UQCC1: variants seen among roughly 807,000 people sequenced by gnomAD.
UQCC1 encodes the protein ubiquinol-cytochrome c reductase complex assembly factor 1.
UQCC1 carries 38 observed loss-of-function variants against 48.0 expected under a neutral mutation model. That is an observed-to-expected ratio of 0.79 (90% confidence interval 0.61 to 1.04). The LOEUF (loss-of-function observed/expected upper bound fraction) is 1.04. UQCC1 is among the 50% of genes least tolerant of loss of function. The pLI, the probability that UQCC1 is intolerant of heterozygous loss-of-function variation, is 0.00. For synonymous variants in UQCC1, 111 were observed against 129.2 expected (o/e 0.86, Z 0.95); for missense variants, 368 against 381.8 (o/e 0.96, Z 0.30).
intron 1 of UQCC1, among the ~76,000 whole-genome samples, chr20:35,397,006 T>A (rs759258333): frequency 1.3e-5 from 2 of 152,014 alleles, no homozygotes; most frequent in Non-Finnish European, 2.9e-5. Context: ...GGGTTCTGCA[T>A]CCATGGATTC....
intron 4 of UQCC1, among the ~76,000 whole-genome samples, chr20:35,380,735 A>G (rs528178857): frequency 2.6e-5 from 4 of 152,360 alleles, no homozygotes; most frequent in Admixed American, 2.6e-4. Context: ...CCTGAAAGGC[A>G]TTAAAAGGCA....
chr20:35,369,486 C>T (rs1458648672), intron 5 of UQCC1, among the ~76,000 whole-genome samples: 2 of 152,222 alleles, frequency 1.3e-5, no homozygotes, highest in Admixed American at 6.5e-5. Flanking sequence ...TCTTTCTTGA[C>T]ATCAAGTTGG....
In UQCC1 at chr20:35,394,130, G is replaced by T. The variant is rs2146514925; in HGVS notation, c.91C>A (p.Gln31Lys). The T allele has an allele frequency of 1.9e-6, 3 of 1,614,006 alleles. No homozygotes were observed. Among genetic ancestry groups the T allele is most frequent in the Non-Finnish European group, 2.5e-6 (3 of 1,179,938 alleles). Residue 31 changes from glutamine to lysine, a missense_variant, in exon 2 of 10, where the codon CAA becomes AAA. Coordinates refer to ENST00000374385, the MANE Select transcript of UQCC1 (RefSeq NM_018244.5). ...CSRLIPVSPT[Q>K]GQGDRALSRT... ...GACAGAGCCCTGTCCCCCTGTCCTT[G>T]GGTAGGAGACACAGGTATCAATCGG...
chr20:35,376,968 CAA>C (rs11330133), intron 4 of UQCC1, among the ~76,000 whole-genome samples: 6 of 142,640 alleles, frequency 4.2e-5, no homozygotes, highest in East Asian at 2.0e-4. Flanking sequence ...CAAAACAAAA[CAA>C]AAAAAAAAAG....
chr20:35,362,286 G>A (rs2061614847), intron 6 of UQCC1, among the ~76,000 whole-genome samples: 1 of 152,178 alleles, frequency 6.6e-6, no homozygotes, highest in South Asian at 2.1e-4. Context: ...GCCTAAAATA[G>A]CAACAAATGA....
chr20:35,306,655 G>C lies in UQCC1; in HGVS notation c.765+11C>G. On this transcript the variant is annotated intron_variant, in intron 9 of 9. Transcript: ENST00000374385. ...GCCAGGACTTGGGAGGGGAGGGAAAGGGTCACTCACCTGTTTCCTCACATA... is the reference window on the plus strand; with the variant it reads ...GCCAGGACTTGGGAGGGGAGGGAAACGGTCACTCACCTGTTTCCTCACATA... 1 of 1,605,352 alleles carries C rather than the reference G, an allele frequency of 6.2e-7. No individual in the cohort carries two copies. Among genetic ancestry groups the C allele is most frequent in the South Asian group, 1.1e-5 (1 of 90,940 alleles).
intron 7 of UQCC1, among the ~76,000 whole-genome samples, chr20:35,316,238 T>C (rs1240908160): frequency 6.6e-6 from 1 of 152,160 alleles, no homozygotes; most frequent in Non-Finnish European, 1.5e-5. Context: ...ACTCTGACGG[T>C]GACCATGCCC....
intron 5 of UQCC1, among the ~76,000 whole-genome samples, chr20:35,367,954 T>C (rs1041827455): frequency 6.6e-6 from 1 of 152,152 alleles, no homozygotes; most frequent in African/African-American, 2.4e-5. Flanking sequence ...TCAAAGCCTC[T>C]CAATTCTCAC....
rs1172467457 is a variant in UQCC1 at position 35,338,856 on chromosome 20, GAAAAAAAAAAAAAAA to G, written c.573+8293_573+8307del. On this transcript the variant is annotated intron_variant, in intron 7 of 9. Transcript: ENST00000374385. ...GAGAAAGCAAGACTCCGTCTCAAAA[GAAAAAAAAAAAAAAA>G]AAAAAAAAAAAAAAAAAAAAAATAT... 2.9e-3 allele frequency among the ~76,000 whole-genome samples: 78 copies of G among 26,838 alleles called. 1 individual carries two copies. Among genetic ancestry groups the G allele is most frequent in the South Asian group, 7.5e-3 (4 of 530 alleles). 17.6% of individuals were successfully genotyped at this position (26,838 alleles called of 152,430 possible). A position where few individuals can be genotyped will look rare whatever the true frequency, so the allele number is the denominator to read the frequency against.
intron 1 of UQCC1, among the ~76,000 whole-genome samples, chr20:35,404,228 G>C (rs532442370): frequency 3.3e-4 from 50 of 152,288 alleles, no homozygotes; most frequent in African/African-American, 1.2e-3. Context: ...AATTAGCCAG[G>C]CGTGGTGGCG....
intron 1 of UQCC1, among the ~76,000 whole-genome samples, chr20:35,403,560 G>T (rs2146539437): frequency 6.6e-6 from 1 of 152,194 alleles, no homozygotes; most frequent in East Asian, 1.9e-4. Flanking sequence ...CCCATTACTG[G>T]GTATATGCCC....
intron 7 of UQCC1, among the ~76,000 whole-genome samples, chr20:35,333,330 C>A (rs537959673): frequency 1.2e-4 from 18 of 152,218 alleles, no homozygotes; most frequent in African/African-American, 3.9e-4. Flanking sequence ...ATAGTATGCA[C>A]CGCAACCAAA....
chr20:35,335,936 A>C (rs2061311413), intron 7 of UQCC1, among the ~76,000 whole-genome samples: 1 of 152,196 alleles, frequency 6.6e-6, no homozygotes, highest in South Asian at 2.1e-4. Flanking sequence ...TTGGGATGCC[A>C]AGGTGGGAGG....
intron 8 of UQCC1, among the ~76,000 whole-genome samples, chr20:35,312,798 A>G (rs2061008761): frequency 6.6e-6 from 1 of 152,248 alleles, no homozygotes; most frequent in South Asian, 2.1e-4. Flanking sequence ...TAAGTCAGTC[A>G]CAAAAGGTCA....
At chr20:35,349,278 T>A (rs567442306) in intron 6 of UQCC1, among the ~76,000 whole-genome samples, 2 of 152,292 alleles carry the variant, frequency 1.3e-5, no homozygotes, top group South Asian at 4.1e-4. Flanking sequence ...CAAAAATACT[T>A]CAACAGGTTG....
chr20:35,342,788 C>A (rs2061395201), intron 7 of UQCC1, among the ~76,000 whole-genome samples: 1 of 152,112 alleles, frequency 6.6e-6, no homozygotes, highest in Non-Finnish European at 1.5e-5. Context: ...AAGTTTAAAT[C>A]CCAAATAATG....
rs950192522 is a variant in UQCC1 at position 35,384,025 on chromosome 20, T to C, written c.225+13A>G. The C allele has an allele frequency of 1.6e-5, 26 of 1,607,606 alleles. No individual in the cohort carries two copies. Among genetic ancestry groups the C allele is most frequent in the Non-Finnish European group, 2.2e-5 (26 of 1,174,732 alleles). On this transcript the variant is annotated intron_variant, in intron 3 of 9. Transcript: ENST00000374385. ...AGCACTCTATAAACACAGAATGCAC[T>C]GATAATTCTCACCTTACGTGTGGTG... is the stretch of plus-strand genomic sequence containing the variant.
At chr20:35,310,646 A>AAC (rs1189223505) in intron 8 of UQCC1, among the ~76,000 whole-genome samples, 3 of 108,134 alleles carry the variant, frequency 2.8e-5, no homozygotes, top group African/African-American at 8.5e-5. Flanking sequence ...CTCTGTCTCA[A>AAC]AAAAAAAAAA....
At chr20:35,359,065 G>A (rs969346919) in intron 6 of UQCC1, among the ~76,000 whole-genome samples, 6 of 152,108 alleles carry the variant, frequency 3.9e-5, no homozygotes, top group Middle Eastern at 3.4e-3. Flanking sequence ...GCATGGAGAC[G>A]GGACAAAGGA....
Sources: gnomAD v4.1 joint callset for allele counts (sites outside exome capture counted in the v4.1 genomes callset) on GRCh38, gnomAD v4.1.1 for gene constraint, MANE v1.5 for transcripts, NCBI Gene and HGNC (gene_info 2026-07-23, HGNC 2026-07-21) for gene names.